Variants in ZNF423 observed in about 807,000 individuals in gnomAD.
ZNF423 encodes zinc finger protein 423.
Under a neutral mutation model 95.8 loss-of-function variants are expected in ZNF423, and 12 were observed. That is an observed-to-expected ratio of 0.13 (90% CI 0.08 to 0.20). The LOEUF (loss-of-function observed/expected upper bound fraction) is 0.20. Ranked by LOEUF, ZNF423 falls within the 10% of genes least tolerant of loss-of-function variation. The pLI is 1.00. For missense variants in ZNF423, 1,316 were observed against 1,737.1 expected, an observed-to-expected ratio of 0.76 and a Z score of 4.31; for synonymous variants, 749 against 711.9, an observed-to-expected ratio of 1.05 and a Z score of -0.83.
chr16:49,659,111 T>C (rs925315500), intron 3 of ZNF423, among the ~76,000 whole-genome samples: 1 of 152,212 alleles, frequency 6.6e-6, no homozygotes. Context: ...AAATTTGAAA[T>C]AGAGTCCCAC....
chr16:49,815,880 AAATATATATAT>A (rs1446138206), intron 1 of ZNF423, among the ~76,000 whole-genome samples: 1,475 of 63,564 alleles, frequency 0.023, 27 homozygotes, highest in Middle Eastern at 0.048. Context: ...CAAAAAAAAA[AAATATATATAT>A]ATATATATAT....
intron 5 of ZNF423, among the ~76,000 whole-genome samples, chr16:49,554,776 A>T (rs771297389): frequency 6.6e-6 from 1 of 151,992 alleles, no homozygotes; most frequent in Admixed American, 6.6e-5. Context: ...ATCGCCCTTA[A>T]TTCTACCCCT....
At chr16:49,758,339 A>C (rs751165263) in intron 2 of ZNF423, among the ~76,000 whole-genome samples, 24 of 152,104 alleles carry the variant, frequency 1.6e-4, no homozygotes, top group Non-Finnish European at 3.2e-4. Flanking sequence ...GGGTTTCGTC[A>C]TGTTGGCCAG....
intron 4 of ZNF423, among the ~76,000 whole-genome samples, chr16:49,626,776 C>T (rs1972291751): frequency 6.6e-6 from 1 of 151,292 alleles, no homozygotes; most frequent in Non-Finnish European, 1.5e-5. Flanking sequence ...CCCATCCATC[C>T]ATCCTCCATC....
chr16:49,562,958 G>A (rs1970066419), intron 5 of ZNF423, among the ~76,000 whole-genome samples: 1 of 151,950 alleles, frequency 6.6e-6, no homozygotes, highest in African/African-American at 2.4e-5. Flanking sequence ...TAATTTTTTT[G>A]CATTTTTAGT....
intron 3 of ZNF423, among the ~76,000 whole-genome samples, chr16:49,655,141 T>C (rs8061912): frequency 0.75 from 113,457 of 152,048 alleles, 42,718 homozygotes; most frequent in African/African-American, 0.84. Flanking sequence ...GAAGGCCTCC[T>C]GGGAGAAGCA....
At chr16:49,810,765 G>A (rs1441294652) in intron 1 of ZNF423, among the ~76,000 whole-genome samples, 1 of 152,210 alleles carries the variant, frequency 6.6e-6, no homozygotes, top group African/African-American at 2.4e-5. Context: ...TCTCGGAAAT[G>A]CCATGGGTAT....
intron 1 of ZNF423, among the ~76,000 whole-genome samples, chr16:49,816,948 T>C (rs2034865340): frequency 1.3e-5 from 2 of 152,172 alleles, no homozygotes; most frequent in South Asian, 4.1e-4. Flanking sequence ...CCATCCCAAG[T>C]ACTGAGGACA....
chr16:49,487,996 G>A lies in ZNF423; in HGVS notation c.*3279C>T, dbSNP rs1223962252. 1 of 152,238 alleles carries A rather than the reference G, an allele frequency of 6.6e-6. No individual in the cohort carries two copies. The highest frequency in any genetic ancestry group is 1.9e-4 in the East Asian group (1 of 5,184). The allele number at this position is 152,238 out of a possible 1,614,324, so 9.4% of individuals were successfully genotyped here. On this transcript the variant is annotated 3_prime_UTR_variant, in exon 8 of 8. Transcript: ENST00000563137. ...TGGCATGCTTGCCTGTGCCACTGTGGCCTCCATGAGGCCAGGGACCACATC... is the reference window on the plus strand; with the variant it reads ...TGGCATGCTTGCCTGTGCCACTGTGACCTCCATGAGGCCAGGGACCACATC...
intron 2 of ZNF423, among the ~76,000 whole-genome samples, chr16:49,786,317 C>T (rs1334247019): frequency 6.6e-6 from 1 of 152,196 alleles, no homozygotes; most frequent in Non-Finnish European, 1.5e-5. Context: ...GCAGGGTGGC[C>T]AGGGGAGGCC....
At chr16:49,561,344 C>G (rs888775331) in intron 5 of ZNF423, among the ~76,000 whole-genome samples, 15 of 152,120 alleles carry the variant, frequency 9.9e-5, no homozygotes, top group African/African-American at 3.6e-4. Flanking sequence ...ACTACATCTA[C>G]TTTACTGGGG....
intron 5 of ZNF423, among the ~76,000 whole-genome samples, chr16:49,568,368 C>G (rs1488574703): frequency 5.3e-5 from 8 of 152,064 alleles, no homozygotes; most frequent in Admixed American, 2.0e-4. Context: ...AAAGGAGGAC[C>G]AACAGCTGGA....
intron 5 of ZNF423, among the ~76,000 whole-genome samples, chr16:49,532,853 G>A (rs1351257666): frequency 1.3e-5 from 2 of 152,134 alleles, no homozygotes; most frequent in East Asian, 3.9e-4. Flanking sequence ...ACCCACCAAC[G>A]TCCCCCTTCC....
intron 5 of ZNF423, among the ~76,000 whole-genome samples, chr16:49,539,689 G>A (rs1969183627): frequency 6.6e-6 from 1 of 152,196 alleles, no homozygotes; most frequent in Admixed American, 6.5e-5. Flanking sequence ...GGGGGTGTGA[G>A]TGTAACAGAG....
At chr16:49,770,338 G>C (rs2034010274) in intron 2 of ZNF423, among the ~76,000 whole-genome samples, 1 of 152,180 alleles carries the variant, frequency 6.6e-6, no homozygotes, top group Non-Finnish European at 1.5e-5. Context: ...AAAGTGGTTA[G>C]ACATTAAGTA....
chr16:49,510,977 G>A (rs1263557319), intron 7 of ZNF423, among the ~76,000 whole-genome samples: 2 of 152,216 alleles, frequency 1.3e-5, no homozygotes, highest in Admixed American at 1.3e-4. Flanking sequence ...GGCTCCAATG[G>A]GCAGACGGGC....
intron 3 of ZNF423, among the ~76,000 whole-genome samples, chr16:49,677,753 CAAA>C (rs776853564): frequency 9.5e-5 from 8 of 84,636 alleles, no homozygotes; most frequent in Admixed American, 2.8e-4. Flanking sequence ...GACCCTGTCT[CAAA>C]AAAAAAAAAA....
At chr16:49,757,897 G>A (rs1021185313) in intron 2 of ZNF423, among the ~76,000 whole-genome samples, 9 of 151,952 alleles carry the variant, frequency 5.9e-5, no homozygotes, top group African/African-American at 9.7e-5. Flanking sequence ...CCCCTGACCC[G>A]CCCTCGGCTC....
chr16:49,733,822 T>G (rs1023808613), intron 2 of ZNF423, among the ~76,000 whole-genome samples: 1 of 152,186 alleles, frequency 6.6e-6, no homozygotes, highest in African/African-American at 2.4e-5. Context: ...TTCAGCAGAA[T>G]CAGGCGCTGG....
Sources: allele counts gnomAD v4.1 joint callset (sites outside exome capture counted in the v4.1 genomes callset), GRCh38; gene constraint gnomAD v4.1.1; transcripts MANE v1.5; gene names NCBI Gene and HGNC (gene_info 2026-07-23, HGNC 2026-07-21).